The following SH3RF3 variants were observed in gnomAD, a reference collection of about 807,000 sequenced individuals.
The protein encoded by SH3RF3 is E3 ubiquitin-protein ligase SH3RF3.
In SH3RF3, 29 loss-of-function variants were observed where a neutral mutation model predicts 66.3. The ratio of observed to expected loss-of-function variants is 0.44; its 90% confidence interval spans 0.33 to 0.60. The LOEUF is 0.60. SH3RF3 is among the 20% of genes least tolerant of loss of function. SH3RF3 has a pLI of 0.04. For synonymous variants in SH3RF3, 583 were observed against 532.0 expected (o/e 1.10, Z -1.32); for missense variants, 1,194 against 1,190.9 (o/e 1.00, Z -0.04).
intron 1 of SH3RF3, among the ~76,000 whole-genome samples, chr2:109,213,606 AC>A (rs927285593): frequency 7.2e-5 from 11 of 152,198 alleles, no homozygotes; most frequent in Admixed American, 1.3e-4. Flanking sequence ...GCTGTGTCCA[AC>A]ACAGCAGGCA....
rs552352835 is a variant in SH3RF3, at chr2:109,187,165, TC to T, written c.573+57053del. On this transcript the variant is annotated intron_variant, in intron 1 of 9. Transcript: ENST00000309415. ...CTCTGTCCCCACGGTGCTGACCACT[TC>T]GTCGTCATTACAAGAAAGTATTCCC... Among the ~76,000 whole-genome samples the T allele has an allele frequency of 7.2e-5, 11 of 152,344 alleles. 1 individual carries two copies. In the East Asian group the frequency reaches 2.1e-3, roughly 29 times the overall value.
intron 3 of SH3RF3, among the ~76,000 whole-genome samples, chr2:109,394,666 T>C (rs1005548116): frequency 6.6e-6 from 1 of 152,352 alleles, no homozygotes; most frequent in African/African-American, 2.4e-5. Flanking sequence ...TGTGTGCACA[T>C]CTATGTAGGA....
At chr2:109,390,344 G>C (rs1315892155) in intron 3 of SH3RF3, among the ~76,000 whole-genome samples, 1 of 152,188 alleles carries the variant, frequency 6.6e-6, no homozygotes, top group Non-Finnish European at 1.5e-5. Flanking sequence ...TCTGCTCACA[G>C]GACACCCCTG....
At chr2:109,389,699 A>G (rs1675928719) in intron 3 of SH3RF3, among the ~76,000 whole-genome samples, 2 of 152,156 alleles carry the variant, frequency 1.3e-5, no homozygotes, top group African/African-American at 2.4e-5. Context: ...TATTTTATAT[A>G]TTTTTGGTAA....
At chr2:109,151,161 T>C (rs1291800492) in intron 1 of SH3RF3, among the ~76,000 whole-genome samples, 1 of 152,214 alleles carries the variant, frequency 6.6e-6, no homozygotes, top group Admixed American at 6.5e-5. Flanking sequence ...GGGTTCTTGA[T>C]TCACAAAGTG....
At chr2:109,139,842 T>G (rs750934687) in intron 1 of SH3RF3, among the ~76,000 whole-genome samples, 2 of 152,206 alleles carry the variant, frequency 1.3e-5, no homozygotes, top group African/African-American at 2.4e-5. Context: ...ATGTGTCCAT[T>G]GCTTGGCAGT....
At chr2:109,455,784 TC>T (rs1417009328) in intron 8 of SH3RF3, among the ~76,000 whole-genome samples, 1 of 152,180 alleles carries the variant, frequency 6.6e-6, no homozygotes, top group Non-Finnish European at 1.5e-5. Flanking sequence ...CCAGCGCTCA[TC>T]CCAGCTTCTC....
intron 1 of SH3RF3, among the ~76,000 whole-genome samples, chr2:109,277,701 C>G (rs938284676): frequency 6.6e-6 from 1 of 152,096 alleles, no homozygotes; most frequent in African/African-American, 2.4e-5. Context: ...ATGAGGAGCC[C>G]CAGGTGTATT....
At chr2:109,413,888 A>G (rs1340181006) in intron 4 of SH3RF3, among the ~76,000 whole-genome samples, 1 of 152,194 alleles carries the variant, frequency 6.6e-6, no homozygotes, top group Non-Finnish European at 1.5e-5. Context: ...AGTGGGATCA[A>G]GAGGTGTAAC....
chr2:109,234,668 C>G (rs1019780659), intron 1 of SH3RF3, among the ~76,000 whole-genome samples: 4 of 152,202 alleles, frequency 2.6e-5, no homozygotes, highest in East Asian at 1.9e-4. Flanking sequence ...TCTTGTTGAT[C>G]TCACAGGGGT....
chr2:109,499,001 G>A (rs566274661), intron 9 of SH3RF3, among the ~76,000 whole-genome samples: 5 of 152,290 alleles, frequency 3.3e-5, no homozygotes, highest in South Asian at 4.1e-4. Flanking sequence ...ATGCTGGGGC[G>A]TTTAGACTGT....
chr2:109,340,914 A>G (rs988286935), intron 1 of SH3RF3, among the ~76,000 whole-genome samples: 2 of 152,226 alleles, frequency 1.3e-5, no homozygotes, highest in Non-Finnish European at 2.9e-5. Flanking sequence ...GAAGAAAAAA[A>G]AAATTTGCTT....
chr2:109,359,043 C>A lies in SH3RF3; in HGVS notation c.849+11094C>A, dbSNP rs978365307. Among the ~76,000 whole-genome samples, 9 of 152,098 alleles carry A rather than the reference C, an allele frequency of 5.9e-5. 1 individual carries two copies. Among genetic ancestry groups the A allele is most frequent in the Admixed American group, 4.6e-4 (7 of 15,270 alleles). Reference sequence around the variant, plus strand: ...CTGTTTATTTTAAAAACTATCTTTTCTCCATTGTATTGTCTTTGTTCCTTT... The same window carrying A: ...CTGTTTATTTTAAAAACTATCTTTTATCCATTGTATTGTCTTTGTTCCTTT... On this transcript the variant is annotated intron_variant, in intron 2 of 9. Coordinates refer to ENST00000309415, the MANE Select transcript of SH3RF3 (RefSeq NM_001099289.3).
At chr2:109,199,845 A>G (rs1246716046) in intron 1 of SH3RF3, among the ~76,000 whole-genome samples, 6 of 152,350 alleles carry the variant, frequency 3.9e-5, no homozygotes, top group South Asian at 2.1e-4. Flanking sequence ...AATGGAATGG[A>G]ATGGAAATAA....
chr2:109,319,781 G>C (rs1681979012), intron 1 of SH3RF3, among the ~76,000 whole-genome samples: 1 of 152,190 alleles, frequency 6.6e-6, no homozygotes, highest in Non-Finnish European at 1.5e-5. Flanking sequence ...TCCCTTCACT[G>C]CCCAGTCCAA....
chr2:109,275,894 A>G (rs2105330183), intron 1 of SH3RF3, among the ~76,000 whole-genome samples: 1 of 152,240 alleles, frequency 6.6e-6, no homozygotes, highest in South Asian at 2.1e-4. Context: ...AGGTTTATGG[A>G]GAGGAAAATT....
Position 109,241,600 on chromosome 2 carries a change from G to T in SH3RF3, c.574-106074G>T, listed in dbSNP as rs1300693158. 2.6e-5 allele frequency among the ~76,000 whole-genome samples: 4 copies of T among 152,162 alleles called. No homozygotes were observed. In the East Asian group the frequency reaches 7.7e-4, roughly 29 times the overall value. On this transcript the variant is annotated intron_variant, in intron 1 of 9. Transcript: ENST00000309415. The stretch of plus-strand genomic sequence containing the variant: ...GGCCTCAGGCATTGAGGTTTGGCTT[G>T]GTTCGGTCAGCTCTGCTGGGAGGGC...
At chr2:109,342,107 A>G (rs184100822) in intron 1 of SH3RF3, among the ~76,000 whole-genome samples, 87 of 152,338 alleles carry the variant, frequency 5.7e-4, no homozygotes, top group African/African-American at 1.9e-3. Context: ...TGGAGACTGC[A>G]GGTGGGCAGA....
At chr2:109,290,036 ACAGGGGG>A (rs1681126162) in intron 1 of SH3RF3, among the ~76,000 whole-genome samples, 1 of 152,214 alleles carries the variant, frequency 6.6e-6, no homozygotes, top group African/African-American at 2.4e-5. Context: ...TTCTATAGGT[ACAGGGGG>A]ATGCCTGGAA....
Sources: gnomAD v4.1 joint callset for allele counts (sites outside exome capture counted in the v4.1 genomes callset) on GRCh38, gnomAD v4.1.1 for gene constraint, MANE v1.5 for transcripts, NCBI Gene and HGNC (gene_info 2026-07-23, HGNC 2026-07-21) for gene names.